The following LAMA1 variants were observed in gnomAD, a reference collection of about 807,000 sequenced individuals.
The protein encoded by LAMA1 is laminin subunit alpha 1.
A neutral mutation model predicts 348.7 loss-of-function variants in LAMA1; 219 were observed. The observed-to-expected ratio is 0.63, with a 90% CI of 0.56 to 0.70. The LOEUF is 0.70. LAMA1 is among the 30% of genes least tolerant of loss of function. The pLI is 0.00. For missense variants in LAMA1, 3,744 were observed against 3,888.0 expected, an observed-to-expected ratio of 0.96 and a Z score of 0.99; for synonymous variants, 1,487 against 1,491.0, an observed-to-expected ratio of 1.00 and a Z score of 0.06.
At chr18:7,115,171 T>C (rs1294873959) in intron 1 of LAMA1, among the ~76,000 whole-genome samples, 2 of 152,180 alleles carry the variant, frequency 1.3e-5, no homozygotes, top group Admixed American at 1.3e-4. Flanking sequence ...CTGAAATCCA[T>C]TCAGGCATGC....
At chr18:7,052,553 C>T (rs556581131) in intron 3 of LAMA1, among the ~76,000 whole-genome samples, 1 of 151,836 alleles carries the variant, frequency 6.6e-6, no homozygotes, top group African/African-American at 2.4e-5. Context: ...ACGGTGAAAC[C>T]ACACCTCTAC....
chr18:6,966,004 T>C, intron 49 of LAMA1, 143 bp downstream of exon 49: 6 of 832,448 alleles, frequency 7.2e-6, no homozygotes, highest in Non-Finnish European at 1.1e-5. Context: ...CACACATATA[T>C]TAATACTAGC....
Position 7,007,195 on chromosome 18 carries a change from G to T in LAMA1, c.4204C>A (p.Pro1402Thr). 2 of 1,614,136 alleles carry T rather than the reference G, an allele frequency of 1.2e-6. No individual in the cohort carries two copies. The highest frequency in any genetic ancestry group is 1.7e-6 in the Non-Finnish European group (2 of 1,180,030). The part of the protein sequence containing the change: ...GPRPLVAPCV[P>T]CSCNNHSDTC... ...TCACTGTGGTTGTTGCAACTGCAGG[G>T]AACACAAGGAGCAACCAGAGGGCGT... The change falls in exon 29 of 63, where the codon CCC becomes ACC. Residue 1402 changes from proline to threonine, a missense_variant. Physicochemically the swap from Pro to Thr is conservative, Grantham distance 38. Around this residue, in one of 3 missense-constraint regions of LAMA1, gnomAD observed 1,983 missense variants for 1,934.3 expected, o/e 1.03. Coordinates refer to ENST00000389658, the MANE Select transcript of LAMA1 (RefSeq NM_005559.4).
At chr18:6,977,544 T>C (rs918570317) in intron 44 of LAMA1, among the ~76,000 whole-genome samples, 183 bp downstream of exon 44, 3 of 152,126 alleles carry the variant, frequency 2.0e-5, no homozygotes, top group African/African-American at 7.2e-5. Flanking sequence ...TCAAAGAAAA[T>C]GAAGCTAGTT....
intron 20 of LAMA1, 84 bp from the exon 21 acceptor site, chr18:7,016,755 A>C: frequency 8.2e-7 from 1 of 1,213,342 alleles, no homozygotes; most frequent in Non-Finnish European, 1.2e-6. Context: ...CAGAACACAC[A>C]CAGGGTATTT....
chr18:7,010,074 T>A (rs1600390990), intron 26 of LAMA1, 126 bp downstream of exon 26: 1 of 1,061,408 alleles, frequency 9.4e-7, no homozygotes. Flanking sequence ...CTCAAAGTGG[T>A]GGGATTACAG....
intron 19 of LAMA1, among the ~76,000 whole-genome samples, chr18:7,020,725 T>A (rs2057911620): frequency 6.6e-6 from 1 of 152,182 alleles, no homozygotes; most frequent in Non-Finnish European, 1.5e-5. Context: ...AAGACCTATT[T>A]TACGTCTTCT....
At chr18:7,083,686 T>C (rs1411820190) in intron 1 of LAMA1, among the ~76,000 whole-genome samples, 1 of 152,182 alleles carries the variant, frequency 6.6e-6, no homozygotes. Context: ...CTAAAAATGA[T>C]GTCTTACATA....
intron 19 of LAMA1, among the ~76,000 whole-genome samples, chr18:7,019,674 CTTTTTTTT>C (rs35235323): frequency 4.2e-5 from 4 of 94,548 alleles, no homozygotes; most frequent in African/African-American, 1.8e-4. Context: ...TATGGTAATT[CTTTTTTTT>C]TTTTTTTTTT....
chr18:7,026,435 G>C (rs10468765), intron 16 of LAMA1, among the ~76,000 whole-genome samples: 15,506 of 152,154 alleles, frequency 0.1, 2,444 homozygotes, highest in African/African-American at 0.34. Flanking sequence ...TTCTGATGAA[G>C]AGTGGGATAT....
chr18:6,947,284 T>C lies in LAMA1; in HGVS notation c.8723A>G (p.Tyr2908Cys). 1 of 1,613,800 alleles carries C rather than the reference T, an allele frequency of 6.2e-7. No individual in the cohort carries two copies. The highest frequency in any genetic ancestry group is 8.5e-7 in the Non-Finnish European group (1 of 1,180,020). Reference sequence around the variant, plus strand: ...GATGTTCACATCTGACTGGACTTTGTAGCCCTCTTTGACTGTAACACACAA... The same window carrying C: ...GATGTTCACATCTGACTGGACTTTGCAGCCCTCTTTGACTGTAACACACAA... ...SGYAALVKEGYKVQSDVNITL... is the reference protein window; with the variant it reads ...SGYAALVKEGCKVQSDVNITL... Residue 2908 changes from tyrosine to cysteine, a missense_variant, in exon 61 of 63, where the codon TAC becomes TGC. Physicochemically the swap from Tyr to Cys is radical, Grantham distance 194. This residue lies in a region of LAMA1 where 232 missense variants were observed against 264.4 expected (regional missense o/e 0.88). Coordinates refer to ENST00000389658, the MANE Select transcript of LAMA1 (RefSeq NM_005559.4).
chr18:7,093,544 G>A lies in LAMA1; in HGVS notation c.62-13087C>T, dbSNP rs545243224. 5.9e-5 allele frequency among the ~76,000 whole-genome samples: 9 copies of A among 152,250 alleles called. No individual in the cohort carries two copies. In the South Asian group the frequency reaches 6.2e-4, roughly 11 times the overall value. On this transcript the variant is annotated intron_variant, in intron 1 of 62. Coordinates refer to ENST00000389658, the MANE Select transcript of LAMA1 (RefSeq NM_005559.4). ...TCCACTTTTCCCCCAAAATCCACCT[G>A]CAAGCACAGCAAGTCCTGGCAAAGG...
chr18:7,057,471 C>CTTTTTTTTTTTTT (rs552843703), intron 3 of LAMA1, among the ~76,000 whole-genome samples: 6 of 90,804 alleles, frequency 6.6e-5, no homozygotes, highest in East Asian at 2.9e-4. Flanking sequence ...CTTTTCTTTT[C>CTTTTTTTTTTTTT]TTTTTTTTTT....
chr18:6,950,890 G>A lies in LAMA1; in HGVS notation c.8289C>T (p.Tyr2763=), dbSNP rs750865106. 70 of 1,614,172 alleles carry A rather than the reference G, an allele frequency of 4.3e-5. 1 individual carries two copies. The highest frequency in any genetic ancestry group is 3.2e-4 in the Admixed American group (19 of 60,016). Residue 2763 remains tyrosine (Y), a synonymous_variant, in exon 58 of 63, where the codon TAC becomes TAT. Transcript: ENST00000389658. Reference sequence around the variant, plus strand: ...GGCCCCCGTGCAGCTGGAGCACAGCGTAGTCTGCTTGGTTCTGATGAGCCA... The same window carrying A: ...GGCCCCCGTGCAGCTGGAGCACAGCATAGTCTGCTTGGTTCTGATGAGCCA... ...YYMAHQNQAD[Y]AVLQLHGGRL...
intron 1 of LAMA1, among the ~76,000 whole-genome samples, chr18:7,082,544 A>G (rs2058197221): frequency 6.6e-6 from 1 of 152,244 alleles, no homozygotes; most frequent in Admixed American, 6.5e-5. Flanking sequence ...ACTTACCTGT[A>G]GCAGGGGCTG....
intron 16 of LAMA1, among the ~76,000 whole-genome samples, chr18:7,028,414 C>A (rs1598287510): frequency 6.6e-6 from 1 of 152,294 alleles, no homozygotes; most frequent in South Asian, 2.1e-4. Flanking sequence ...GAATAACACA[C>A]AGAAATAAGC....
chr18:6,949,114 C>T lies in LAMA1; in HGVS notation c.8543G>A (p.Arg2848Lys). Residue 2848 changes from arginine (R) to lysine (K), a missense_variant, in exon 59 of 63, where the codon AGG becomes AAG. Around this residue, in one of 3 missense-constraint regions of LAMA1, gnomAD observed 1,983 missense variants for 1,934.3 expected, o/e 1.03. Coordinates refer to ENST00000389658, the MANE Select transcript of LAMA1 (RefSeq NM_005559.4). ...AATGCTGCTTACATTTCCAATTTTC[C>T]TGGCCTGGTACTGGGAGGGCAGGCC... ...LGGLPSQYQA[R>K]KIGNITHSIP... 1 of 1,614,120 alleles carries T rather than the reference C, an allele frequency of 6.2e-7. No homozygotes were observed. The highest frequency in any genetic ancestry group is 8.5e-7 in the Non-Finnish European group (1 of 1,180,026).
At chr18:7,030,735 T>C (rs1267129521) in intron 16 of LAMA1, among the ~76,000 whole-genome samples, 1 of 152,166 alleles carries the variant, frequency 6.6e-6, no homozygotes, top group East Asian at 1.9e-4. Context: ...AATGTGAATA[T>C]ATATTTGTAA....
At chr18:7,082,198 T>C (rs759624736) in intron 1 of LAMA1, among the ~76,000 whole-genome samples, 3 of 152,148 alleles carry the variant, frequency 2.0e-5, no homozygotes, top group Non-Finnish European at 2.9e-5. Context: ...AATAAGTCCT[T>C]ACCCTCTCAA....
Sources: gnomAD v4.1 joint callset for allele counts (sites outside exome capture counted in the v4.1 genomes callset) on GRCh38, gnomAD v4.1.1 for gene constraint, gnomAD v4.1.1 regional missense constraint, MANE v1.5 for transcripts, NCBI Gene and HGNC (gene_info 2026-07-23, HGNC 2026-07-21) for gene names.